The following DAPK3 variants were observed in gnomAD, a reference collection of about 807,000 sequenced individuals.
DAPK3 encodes death-associated protein kinase 3.
Under a neutral mutation model 30.6 loss-of-function variants are expected in DAPK3, and 24 were observed. The ratio of observed to expected loss-of-function variants is 0.78; its 90% CI spans 0.57 to 1.10. DAPK3 has a LOEUF of 1.10. Among genes scored for constraint, DAPK3 ranks in the 50% least tolerant of loss-of-function variants. The pLI, the probability that DAPK3 is intolerant of heterozygous loss-of-function variation, is 0.00. For synonymous variants in DAPK3, 341 were observed against 284.0 expected (o/e 1.20, Z -2.02); for missense variants, 629 against 657.3 (o/e 0.96, Z 0.47).
In DAPK3 at chr19:3,964,293, G is replaced by C; in HGVS notation, c.504C>G (p.Ile168Met). The change falls in exon 4 of 9, where the codon ATC (isoleucine) becomes ATG (methionine). Residue 168 changes from isoleucine to methionine, a missense_variant. Physicochemically the swap from Ile to Met is conservative, Grantham distance 10 (BLOSUM62 1). This residue lies in a region of DAPK3 where 306 missense variants were observed against 378.5 expected (regional missense o/e 0.81). Transcript: ENST00000545797. Reference protein sequence around the residue: ...KLIDFGIAHKIEAGNEFKNIF... With the variant: ...KLIDFGIAHKMEAGNEFKNIF... The stretch of plus-strand genomic sequence containing the variant: ...TGTTCTTGAACTCGTTCCCCGCCTC[G>C]ATCTTGTGCGCGATGCCGAAGTCGA... The C allele has an allele frequency of 6.2e-7, 1 of 1,613,474 alleles. No homozygotes were observed. Among genetic ancestry groups the C allele is most frequent in the African/African-American group, 1.3e-5 (1 of 75,006 alleles).
chr19:3,958,739 C>A lies in DAPK3; in HGVS notation c.*362G>T. ...GCACCCCGCCGAATTGTCCGTGCAA[C>A]TACCCGCAAACCCTCCTCCGGGCCT... is the stretch of plus-strand genomic sequence containing the variant. On this transcript the variant is annotated 3_prime_UTR_variant, in exon 9 of 9. Coordinates refer to ENST00000545797, the MANE Select transcript of DAPK3 (RefSeq NM_001348.3). 1 of 414,250 alleles carries A rather than the reference C, an allele frequency of 2.4e-6. No individual in the cohort carries two copies. The highest frequency in any genetic ancestry group is 7.3e-4 in the Middle Eastern group (1 of 1,374). 25.7% of individuals were successfully genotyped at this position (414,250 alleles called of 1,614,324 possible).
In DAPK3 at chr19:3,964,758, CCGCCAGA is replaced by C. The variant is rs773032858; in HGVS notation, c.289_295del (p.Ser97GlyfsTer13). 4 of 1,612,424 alleles carry C rather than the reference CCGCCAGA, an allele frequency of 2.5e-6. No individual in the cohort carries two copies. Among genetic ancestry groups the C allele is most frequent in the Non-Finnish European group, 3.4e-6 (4 of 1,178,794 alleles). On this transcript the variant is annotated frameshift_variant, in exon 3 of 9. Coordinates refer to ENST00000545797, the MANE Select transcript of DAPK3 (RefSeq NM_001348.3). LOFTEE classifies it high-confidence loss of function. ...CTCCGCCAGGAAGTCAAAGAGCTCC[CCGCCAGA>C]GACCAGCTCCAGGATGAGGACCACG...
At position 3,963,876 on chromosome 19, in the gene DAPK3, G is replaced by A. The variant is rs1382868314; in HGVS notation, c.597C>T (p.Asp199=). 1 of 1,595,872 alleles carries A rather than the reference G, an allele frequency of 6.3e-7. No homozygotes were observed. Among genetic ancestry groups the A allele is most frequent in the South Asian group, 1.1e-5 (1 of 89,942 alleles). ...VNYEPLGLEA[D]MWSIGVITYI... ...GGAGCAGGTGGTACACTCACCACATGTCCGCCTCCAGGCCCAGCGGCTCAT... is the reference window on the plus strand; with the variant it reads ...GGAGCAGGTGGTACACTCACCACATATCCGCCTCCAGGCCCAGCGGCTCAT... Residue 199 remains aspartate (D), a synonymous_variant, in exon 5 of 9, where the codon GAC becomes GAT. Coordinates refer to ENST00000545797, the MANE Select transcript of DAPK3 (RefSeq NM_001348.3).
rs532259410 is a variant in DAPK3 at position 3,964,115 on chromosome 19, G to A, written c.553+129C>T. 25 of 920,070 alleles carry A rather than the reference G, an allele frequency of 2.7e-5. 1 individual carries two copies. The highest frequency in any genetic ancestry group is 1.7e-4 in the African/African-American group (10 of 60,424). The allele number at this position is 920,070 out of a possible 1,614,324, so 57.0% of individuals were successfully genotyped here. The stretch of plus-strand genomic sequence containing the variant: ...GGAGGCCCAGACCTCCCGCAAAGCC[G>A]GGCCCAAGAGGGGTGGCTTCAGGGC... On this transcript the variant is annotated intron_variant, in intron 4 of 8. Coordinates refer to ENST00000545797, the MANE Select transcript of DAPK3 (RefSeq NM_001348.3).
rs917952871 is a variant in DAPK3 at position 3,959,056 on chromosome 19, A to C, written c.*45T>G. ...CGTCCACAGGAAGCGCCCCCACCGC[A>C]GGCCGAGCTCCGGCTGTCCTGGGGC... On this transcript the variant is annotated 3_prime_UTR_variant, in exon 9 of 9. Coordinates refer to ENST00000545797, the MANE Select transcript of DAPK3 (RefSeq NM_001348.3). The C allele has an allele frequency of 3.8e-6, 5 of 1,311,398 alleles. No homozygotes were observed. In the African/African-American group the frequency reaches 4.6e-5, roughly 12 times the overall value. The allele number at this position is 1,311,398 out of a possible 1,614,324, so 81.2% of individuals were successfully genotyped here.
rs1273510846 is a variant in DAPK3 at position 3,958,508 on chromosome 19, G to A, written c.*593C>T. The stretch of plus-strand genomic sequence containing the variant: ...GCTGCAGAGGGCCGCTCTTGCCTAG[G>A]CGTCCACAGGCGCGACGATGGGGCT... On this transcript the variant is annotated 3_prime_UTR_variant, in exon 9 of 9. Transcript: ENST00000545797. The A allele has an allele frequency of 2.2e-6, 1 of 456,626 alleles. No individual in the cohort carries two copies. The highest frequency in any genetic ancestry group is 4.4e-6 in the Non-Finnish European group (1 of 227,310). 28.3% of individuals were successfully genotyped at this position (456,626 alleles called of 1,614,324 possible).
At chr19:3,965,046 G>C in intron 2 of DAPK3, 55 bp from the exon 3 acceptor site, 1 of 965,938 alleles carries the variant, frequency 1.0e-6, no homozygotes, top group Non-Finnish European at 1.6e-6. Flanking sequence ...GAGTAAGTGG[G>C]GGTGGCTGGC....
rs1382995378 is a variant in DAPK3 at position 3,964,975 on chromosome 19, CG to C, written c.78del (p.Ile26MetfsTer31). 1 of 1,602,006 alleles carries C rather than the reference CG, an allele frequency of 6.2e-7. No homozygotes were observed. The highest frequency in any genetic ancestry group is 8.5e-7 in the Non-Finnish European group (1 of 1,171,964). ...GTGCCCTTCTGCCGGCACTTCCGCACGATCGCAAACTGGCCGCTGGAGGAGG... is the reference window on the plus strand; with the variant it reads ...GTGCCCTTCTGCCGGCACTTCCGCACATCGCAAACTGGCCGCTGGAGGAGG... ...GEELGSGQFA[I>X]VRKCRQKGTG... On this transcript the variant is annotated frameshift_variant, in exon 3 of 9. Coordinates refer to ENST00000545797, the MANE Select transcript of DAPK3 (RefSeq NM_001348.3). LOFTEE classifies it high-confidence loss of function.
At chr19:3,963,533 G>C (rs377650680) in intron 6 of DAPK3, 110 bp downstream of exon 6, 1 of 626,384 alleles carries the variant, frequency 1.6e-6, no homozygotes, top group African/African-American at 1.9e-5. Flanking sequence ...GAGTACCCGC[G>C]ATGGGTCACA....
At position 3,958,782 on chromosome 19, in the gene DAPK3, G is replaced by T; in HGVS notation, c.*319C>A. On this transcript the variant is annotated 3_prime_UTR_variant, in exon 9 of 9. Transcript: ENST00000545797. ...CCGGGCCTGAACCAGGGCTGCATTC[G>T]GGCCGCCTCTGCGCCTCGGTGGGTC... The T allele has an allele frequency of 1.9e-6, 1 of 538,176 alleles. No homozygotes were observed. The highest frequency in any genetic ancestry group is 2.0e-5 in the South Asian group (1 of 49,862). 33.3% of individuals were successfully genotyped at this position (538,176 alleles called of 1,614,324 possible).
At position 3,964,343 on chromosome 19, in the gene DAPK3, C is replaced by T. The variant is rs368786626; in HGVS notation, c.454G>A (p.Val152Met). 15 of 1,613,016 alleles carry T rather than the reference C, an allele frequency of 9.3e-6. No homozygotes were observed. The African/African-American group carries it at 9.3e-5, about 10-fold the overall frequency. ...PENIMLLDKNVPNPRIKLIDF... is the reference protein window; with the variant it reads ...PENIMLLDKNMPNPRIKLIDF... The stretch of plus-strand genomic sequence containing the variant: ...ATGAGCTTGATTCGTGGGTTGGGCA[C>T]GTTCTTGTCCAGCAGCATGATGTTT... Residue 152 changes from valine to methionine, a missense_variant, in exon 4 of 9, where the codon GTG becomes ATG. Around this residue, in one of 2 missense-constraint regions of DAPK3, gnomAD observed 306 missense variants for 378.5 expected, o/e 0.81. Coordinates refer to ENST00000545797, the MANE Select transcript of DAPK3 (RefSeq NM_001348.3).
chr19:3,966,134 C>G (rs8113281), intron 2 of DAPK3, among the ~76,000 whole-genome samples: 2 of 151,976 alleles, frequency 1.3e-5, no homozygotes, highest in Non-Finnish European at 2.9e-5. Context: ...GCAACTAGCC[C>G]AAGGTCATGC....
chr19:3,960,941 G>C, intron 7 of DAPK3, 68 bp downstream of exon 7: 2 of 1,553,704 alleles, frequency 1.3e-6, no homozygotes, highest in African/African-American at 1.4e-5. Flanking sequence ...GAGTCCTCTG[G>C]AGCCTCCGTG....
Position 3,959,505 on chromosome 19 carries a change from C to CGGCGTA in DAPK3, c.955_960dup (p.Tyr319_Ala320dup). 6.4e-7 allele frequency: 1 copy of CGGCGTA among 1,561,912 alleles called. No individual in the cohort carries two copies. Among genetic ancestry groups the CGGCGTA allele is most frequent in the Non-Finnish European group, 8.6e-7 (1 of 1,161,458 alleles). ...AGCACCTTGGAGAAGCGCTCGAAGT[C>CGGCGTA]GGCGTAGCTGTTGTTGGGCGGCAAG... On this transcript the variant is annotated inframe_insertion, in exon 9 of 9. Transcript: ENST00000545797.
At chr19:3,959,731 T>TC (rs1568189782) in intron 8 of DAPK3, 94 bp from the exon 9 acceptor site, 7 of 1,360,406 alleles carry the variant, frequency 5.1e-6, no homozygotes. Context: ...CAGGGGCTCA[T>TC]CCGGCAGCAG....
In DAPK3 at chr19:3,964,763, A is replaced by G. The variant is rs372693888; in HGVS notation, c.291T>C (p.Ser97=). 1.4e-4 allele frequency: 226 copies of G among 1,612,324 alleles called. No homozygotes were observed. The highest frequency in any genetic ancestry group is 1.7e-4 in the Non-Finnish European group (197 of 1,178,806). The part of the protein sequence containing the change: ...TDVVLILELV[S]GGELFDFLAE... ...CCAGGAAGTCAAAGAGCTCCCCGCCAGAGACCAGCTCCAGGATGAGGACCA... is the reference window on the plus strand; with the variant it reads ...CCAGGAAGTCAAAGAGCTCCCCGCCGGAGACCAGCTCCAGGATGAGGACCA... Residue 97 remains serine (S), a synonymous_variant, in exon 3 of 9, where the codon TCT becomes TCC. Coordinates refer to ENST00000545797, the MANE Select transcript of DAPK3 (RefSeq NM_001348.3).
At position 3,969,694 on chromosome 19, in the gene DAPK3, C is replaced by G; in HGVS notation, c.42G>C (p.Glu14Asp). Reference protein sequence around the residue: ...FRQEDVEDHYEMGEELGSGQF... With the variant: ...FRQEDVEDHYDMGEELGSGQF... The stretch of plus-strand genomic sequence containing the variant: ...CTCACCTGCCCAGCTCCTCCCCCAT[C>G]TCATAATGGTCCTCCACGTCCTCCT... The change falls in exon 2 of 9, where the codon GAG (glutamate) becomes GAC (aspartate). Residue 14 changes from glutamate (E) to aspartate (D), a missense_variant. Glu to Asp is a conservative substitution (Grantham distance 45). Around this residue, in one of 2 missense-constraint regions of DAPK3, gnomAD observed 306 missense variants for 378.5 expected, o/e 0.81. Coordinates refer to ENST00000545797, the MANE Select transcript of DAPK3 (RefSeq NM_001348.3). The G allele has an allele frequency of 6.2e-7, 1 of 1,612,030 alleles. No homozygotes were observed. The highest frequency in any genetic ancestry group is 8.5e-7 in the Non-Finnish European group (1 of 1,178,778).
Position 3,959,155 on chromosome 19 carries a change from G to T in DAPK3, c.1311C>A (p.Leu437=). 1.3e-6 allele frequency: 2 copies of T among 1,588,900 alleles called. No individual in the cohort carries two copies. The highest frequency in any genetic ancestry group is 2.3e-5 in the East Asian group (1 of 44,278). ...GCTTCTCCTGCTCCAGGGCGCGCAC[G>T]AGGTCCTGCACGAAGCGCATCTCGG... ...VASEMRFVQD[L]VRALEQEKLQ... The change falls in exon 9 of 9, where the codon CTC becomes CTA. Residue 437 remains leucine (L), a synonymous_variant. Transcript: ENST00000545797.
At position 3,958,524 on chromosome 19, in the gene DAPK3, C is replaced by G. The variant is rs1421347502; in HGVS notation, c.*577G>C. Reference sequence around the variant, plus strand: ...CTTGCCTAGGCGTCCACAGGCGCGACGATGGGGCTCGCGGAGGAGTCCGCA... The same window carrying G: ...CTTGCCTAGGCGTCCACAGGCGCGAGGATGGGGCTCGCGGAGGAGTCCGCA... On this transcript the variant is annotated 3_prime_UTR_variant, in exon 9 of 9. Coordinates refer to ENST00000545797, the MANE Select transcript of DAPK3 (RefSeq NM_001348.3). 2.2e-6 allele frequency: 1 copy of G among 456,730 alleles called. No homozygotes were observed. Among genetic ancestry groups the G allele is most frequent in the African/African-American group, 2.0e-5 (1 of 50,110 alleles). The allele number at this position is 456,730 out of a possible 1,614,324, so 28.3% of individuals were successfully genotyped here.
Sources: gnomAD v4.1 joint callset for allele counts (sites outside exome capture counted in the v4.1 genomes callset) on GRCh38, gnomAD v4.1.1 for gene constraint, gnomAD v4.1.1 regional missense constraint, MANE v1.5 for transcripts, NCBI Gene and HGNC (gene_info 2026-07-23, HGNC 2026-07-21) for gene names.